HHLA2: variants seen among roughly 807,000 people sequenced by gnomAD.
HHLA2 encodes the protein HERV-H LTR-associating protein 2.
In HHLA2, 48 loss-of-function variants were observed where a neutral mutation model predicts 45.9. The ratio of observed to expected loss-of-function variants is 1.05; its 90% CI spans 0.83 to 1.33. The LOEUF is 1.33. Among genes scored for constraint, HHLA2 ranks in the 40% most tolerant of loss-of-function variants. The probability of loss-of-function intolerance (pLI) is 0.00; values close to 1 mark genes in which losing one functional copy is unlikely to be tolerated. For synonymous variants in HHLA2, 161 were observed against 173.9 expected (o/e 0.93, Z 0.59); for missense variants, 462 against 494.3 (o/e 0.93, Z 0.62).
intron 8 of HHLA2, among the ~76,000 whole-genome samples, chr3:108,365,825 A>G (rs1449630661): frequency 1.3e-5 from 2 of 152,270 alleles, no homozygotes; most frequent in East Asian, 1.9e-4. Context: ...ATTTTTGCAC[A>G]TTGATTTTGT....
chr3:108,371,609 C>T (rs1466551706), intron 8 of HHLA2, among the ~76,000 whole-genome samples: 1 of 152,012 alleles, frequency 6.6e-6, no homozygotes, highest in Admixed American at 6.5e-5. Flanking sequence ...CACATAGGCT[C>T]AAAATTAAGG....
At chr3:108,322,560 A>G (rs1308097235) in intron 2 of HHLA2, among the ~76,000 whole-genome samples, 1 of 152,180 alleles carries the variant, frequency 6.6e-6, no homozygotes, top group Non-Finnish European at 1.5e-5. Flanking sequence ...CCCTGGACAC[A>G]GCAGAAAGTT....
At chr3:108,346,412 C>T (rs951517565) in intron 3 of HHLA2, among the ~76,000 whole-genome samples, 1 of 152,148 alleles carries the variant, frequency 6.6e-6, no homozygotes, top group Admixed American at 6.6e-5. Flanking sequence ...TTTGTTAAGA[C>T]GTCTTTTACA....
chr3:108,313,287 A>T (rs1007938511), intron 2 of HHLA2, among the ~76,000 whole-genome samples: 11 of 152,150 alleles, frequency 7.2e-5, no homozygotes, highest in Admixed American at 7.2e-4. Flanking sequence ...AACGAGCAGG[A>T]TTGTGATTCG....
At chr3:108,377,012 AGT>A (rs2082286997) in intron 10 of HHLA2, 1 of 477,846 alleles carries the variant, frequency 2.1e-6, no homozygotes, top group Admixed American at 3.7e-5. Flanking sequence ...AAGGGCCAGG[AGT>A]GTGGTAAACT....
chr3:108,355,457 A>AG, intron 6 of HHLA2, 76 bp downstream of exon 5: 1 of 1,478,980 alleles, frequency 6.8e-7, no homozygotes, highest in East Asian at 2.3e-5. Flanking sequence ...TTGCAAAAAA[A>AG]GAAAGGAAGA....
At chr3:108,361,506 A>T (rs2081984276) in intron 7 of HHLA2, among the ~76,000 whole-genome samples, 1 of 152,178 alleles carries the variant, frequency 6.6e-6, no homozygotes, top group Non-Finnish European at 1.5e-5. Context: ...GGCAGTTCAG[A>T]TACACCAAAA....
At chr3:108,307,381 A>G (rs2080947327) in intron 1 of HHLA2, among the ~76,000 whole-genome samples, 1 of 152,126 alleles carries the variant, frequency 6.6e-6, no homozygotes, top group Non-Finnish European at 1.5e-5. Flanking sequence ...CACGGCTGTA[A>G]TCTCAGTAAT....
chr3:108,338,880 C>G (rs2081518405), intron 3 of HHLA2, among the ~76,000 whole-genome samples: 1 of 152,152 alleles, frequency 6.6e-6, no homozygotes, highest in Non-Finnish European at 1.5e-5. Context: ...ATAAATGTCC[C>G]CTACACACTT....
intron 3 of HHLA2, among the ~76,000 whole-genome samples, chr3:108,333,134 G>A (rs958052289): frequency 2.0e-5 from 3 of 152,104 alleles, no homozygotes; most frequent in Non-Finnish European, 2.9e-5. Context: ...GCATCTCTTT[G>A]GAAGTGAAAC....
chr3:108,324,356 T>A (rs2081253461), intron 2 of HHLA2, among the ~76,000 whole-genome samples: 1 of 152,238 alleles, frequency 6.6e-6, no homozygotes, highest in Admixed American at 6.5e-5. Context: ...TTATTAACTG[T>A]ACATTTCTGA....
intron 8 of HHLA2, among the ~76,000 whole-genome samples, chr3:108,366,753 T>C (rs2082069308): frequency 6.6e-6 from 1 of 152,390 alleles, no homozygotes; most frequent in South Asian, 2.1e-4. Context: ...CTAGTTTATT[T>C]GCTTAGAGGT....
chr3:108,321,091 T>TCAAAAAAAAAAAAAAA (rs2081191518), intron 2 of HHLA2, among the ~76,000 whole-genome samples: 1 of 101,428 alleles, frequency 9.9e-6, no homozygotes, highest in Non-Finnish European at 2.0e-5. Flanking sequence ...TCCAGGTGTT[T>TCAAAAAAAAAAAAAAA]AAAAAAAAAA....
At chr3:108,314,684 C>T (rs987100093) in intron 2 of HHLA2, among the ~76,000 whole-genome samples, 1 of 152,224 alleles carries the variant, frequency 6.6e-6, no homozygotes, top group African/African-American at 2.4e-5. Flanking sequence ...TAGAGCCAGA[C>T]ATTTTACTTC....
At chr3:108,340,943 C>A (rs1188931968) in intron 3 of HHLA2, among the ~76,000 whole-genome samples, 1 of 85,552 alleles carries the variant, frequency 1.2e-5, no homozygotes, top group Non-Finnish European at 2.3e-5. Context: ...TTCCTTCCTT[C>A]CTTCCTTTCT....
At chr3:108,345,803 C>T (rs1007219682) in intron 3 of HHLA2, among the ~76,000 whole-genome samples, 12 of 152,324 alleles carry the variant, frequency 7.9e-5, no homozygotes, top group Non-Finnish European at 1.6e-4. Flanking sequence ...GTGCTTTTCC[C>T]AAGGGGCCAT....
At chr3:108,360,105 GCCA>G (rs2081962186) in intron 7 of HHLA2, among the ~76,000 whole-genome samples, 2 of 79,470 alleles carry the variant, frequency 2.5e-5, no homozygotes, top group African/African-American at 6.2e-5. Context: ...AATCTGTGTA[GCCA>G]TCCTCTATCC....
At chr3:108,370,976 A>G (rs1354586544) in intron 8 of HHLA2, among the ~76,000 whole-genome samples, 1 of 152,178 alleles carries the variant, frequency 6.6e-6, no homozygotes, top group East Asian at 1.9e-4. Flanking sequence ...AATACAGAGA[A>G]CGCCAGAAAG....
intron 1 of HHLA2, among the ~76,000 whole-genome samples, chr3:108,302,079 T>C (rs1265520803): frequency 6.6e-6 from 1 of 152,336 alleles, no homozygotes; most frequent in South Asian, 2.1e-4. Flanking sequence ...TTTATATTAG[T>C]AATCTAATTC....
Sources: gnomAD v4.1 joint callset for allele counts (sites outside exome capture counted in the v4.1 genomes callset) on GRCh38, gnomAD v4.1.1 for gene constraint, MANE v1.5 for transcripts, NCBI Gene and HGNC (gene_info 2026-07-23, HGNC 2026-07-21) for gene names.